The following EYS variants were observed in gnomAD, a reference collection of about 807,000 sequenced individuals.
EYS encodes the protein protein eyes shut homolog.
Under a neutral mutation model 282.1 loss-of-function variants are expected in EYS, and 250 were observed. The ratio of observed to expected loss-of-function variants is 0.89; its 90% CI spans 0.80 to 0.98. The LOEUF (loss-of-function observed/expected upper bound fraction) is 0.98, where lower values mean the gene tolerates loss of function less well. Ranked by LOEUF, EYS falls within the 50% of genes least tolerant of loss-of-function variation. EYS has a pLI of 0.00. For synonymous variants in EYS, 1,355 were observed against 1,282.9 expected, an observed-to-expected ratio of 1.06 and a Z score of -1.20; for missense variants, 4,016 against 3,709.0, an observed-to-expected ratio of 1.08 and a Z score of -2.15.
chr6:64,424,735 C>A (rs909256763), intron 28 of EYS, among the ~76,000 whole-genome samples: 1 of 152,164 alleles, frequency 6.6e-6, no homozygotes, highest in Non-Finnish European at 1.5e-5. Flanking sequence ...CCCAGTTACA[C>A]GCTAGGTGCC....
chr6:64,455,864 G>A (rs1386241151), intron 26 of EYS, among the ~76,000 whole-genome samples: 2 of 152,000 alleles, frequency 1.3e-5, no homozygotes, highest in African/African-American at 2.4e-5. Flanking sequence ...AATTTTGACA[G>A]AATTTAACAT....
At chr6:64,344,537 T>A (rs986881988) in intron 29 of EYS, among the ~76,000 whole-genome samples, 1 of 150,584 alleles carries the variant, frequency 6.6e-6, no homozygotes, top group African/African-American at 2.4e-5. Context: ...TCAATATTGA[T>A]GGGATGTATC....
chr6:65,453,893 A>G (rs1408361983), intron 5 of EYS, among the ~76,000 whole-genome samples: 1 of 151,912 alleles, frequency 6.6e-6, no homozygotes, highest in Non-Finnish European at 1.5e-5. Context: ...TATTCCACTG[A>G]GTATAAACAC....
chr6:65,094,616 A>G (rs542600811), intron 12 of EYS, among the ~76,000 whole-genome samples: 2 of 151,444 alleles, frequency 1.3e-5, no homozygotes, highest in Admixed American at 6.6e-5. Flanking sequence ...ACAATCTTGA[A>G]CCTACAATGG....
At chr6:64,124,739 C>A (rs894903240) in intron 31 of EYS, among the ~76,000 whole-genome samples, 30 of 152,052 alleles carry the variant, frequency 2.0e-4, no homozygotes, top group African/African-American at 7.3e-4. Context: ...GTTGGAAGAA[C>A]CCTAATCATT....
At chr6:64,041,059 G>A (rs1254921938) in intron 33 of EYS, among the ~76,000 whole-genome samples, 2 of 152,146 alleles carry the variant, frequency 1.3e-5, no homozygotes, top group African/African-American at 4.8e-5. Context: ...CTAAGCATGG[G>A]TAGTGTGTTT....
At chr6:65,528,174 A>C (rs1441357287) in intron 2 of EYS, among the ~76,000 whole-genome samples, 1 of 152,186 alleles carries the variant, frequency 6.6e-6, no homozygotes, top group Non-Finnish European at 1.5e-5. Context: ...AATAATTTAT[A>C]TTTCAAAATG....
chr6:63,985,417 T>A (rs1423572826), intron 34 of EYS, among the ~76,000 whole-genome samples: 1 of 151,678 alleles, frequency 6.6e-6, no homozygotes, highest in African/African-American at 2.4e-5. Context: ...TTTCTGTGGT[T>A]TAAGCCACCC....
rs79709237 is a variant in EYS at position 65,240,465 on chromosome 6, T to C, written c.2023+55398A>G. On this transcript the variant is annotated intron_variant, in intron 12 of 42. Coordinates refer to ENST00000503581, the MANE Select transcript of EYS (RefSeq NM_001142800.2). ...CAACCCTCTCTAGTAGCTCCCTGTC[T>C]CTATTGTTCCCATCTTTATGTCCAT... 4.8e-3 allele frequency among the ~76,000 whole-genome samples: 733 copies of C among 152,252 alleles called. 6 individuals are homozygous for C. Among genetic ancestry groups the C allele is most frequent in the African/African-American group, 0.017 (701 of 41,552 alleles).
At chr6:64,372,322 C>T (rs1009564346) in intron 29 of EYS, among the ~76,000 whole-genome samples, 6 of 151,830 alleles carry the variant, frequency 4.0e-5, no homozygotes, top group Non-Finnish European at 8.8e-5. Context: ...AATATGAAAT[C>T]CTTGGATGAA....
intron 35 of EYS, among the ~76,000 whole-genome samples, chr6:63,869,076 T>C (rs1299811434): frequency 6.6e-6 from 1 of 152,158 alleles, no homozygotes; most frequent in Non-Finnish European, 1.5e-5. Flanking sequence ...ACATAGTCTA[T>C]ATAATATACC....
rs74834704 is a variant in EYS, at chr6:65,082,820, T to C, written c.2024-25093A>G. Among the ~76,000 whole-genome samples the C allele has an allele frequency of 6.7e-3, 1,018 of 152,140 alleles. 5 individuals are homozygous for C. Among genetic ancestry groups the C allele is most frequent in the Non-Finnish European group, 0.012 (826 of 67,942 alleles). On this transcript the variant is annotated intron_variant, in intron 12 of 42. Coordinates refer to ENST00000503581, the MANE Select transcript of EYS (RefSeq NM_001142800.2). ...AAAATATATGATTTTTTCACTGATA[T>C]ATGAAATCTTAAGTAACATATTAAA...
At chr6:65,040,447 A>T (rs2150148851) in intron 13 of EYS, among the ~76,000 whole-genome samples, 1 of 151,870 alleles carries the variant, frequency 6.6e-6, no homozygotes, top group South Asian at 2.1e-4. Context: ...TAAGGACATC[A>T]GTCATATTAG....
At chr6:65,149,521 T>C (rs573695573) in intron 12 of EYS, among the ~76,000 whole-genome samples, 1 of 152,194 alleles carries the variant, frequency 6.6e-6, no homozygotes, top group African/African-American at 2.4e-5. Flanking sequence ...TGTCTTCTTC[T>C]GAGCCCTCCA....
At chr6:64,371,284 C>G (rs1323246354) in intron 29 of EYS, among the ~76,000 whole-genome samples, 1 of 147,336 alleles carries the variant, frequency 6.8e-6, no homozygotes, top group East Asian at 1.9e-4. Context: ...AGAAGTCATT[C>G]AGGAGCAGGT....
At chr6:65,427,557 TA>T (rs1206061082) in intron 5 of EYS, among the ~76,000 whole-genome samples, 3 of 152,072 alleles carry the variant, frequency 2.0e-5, no homozygotes, top group East Asian at 1.9e-4. Flanking sequence ...AAAATAGAAT[TA>T]TTTTTTTCAT....
At chr6:64,099,049 G>T (rs1440179703) in intron 31 of EYS, among the ~76,000 whole-genome samples, 1 of 152,174 alleles carries the variant, frequency 6.6e-6, no homozygotes, top group Non-Finnish European at 1.5e-5. Context: ...TAAGGCCACA[G>T]TGAGATATTC....
intron 35 of EYS, among the ~76,000 whole-genome samples, chr6:63,980,021 T>G (rs568301206): frequency 4.3e-4 from 66 of 151,968 alleles, no homozygotes; most frequent in African/African-American, 1.5e-3. Flanking sequence ...CAGCAGTAAA[T>G]TAGATCAACC....
chr6:65,013,302 G>T (rs1340457069), intron 13 of EYS, among the ~76,000 whole-genome samples: 1 of 152,106 alleles, frequency 6.6e-6, no homozygotes, highest in East Asian at 1.9e-4. Flanking sequence ...GAACACACAT[G>T]AATTCACTGT....
Sources: gnomAD v4.1 joint callset for allele counts (sites outside exome capture counted in the v4.1 genomes callset) on GRCh38, gnomAD v4.1.1 for gene constraint, MANE v1.5 for transcripts, NCBI Gene and HGNC (gene_info 2026-07-23, HGNC 2026-07-21) for gene names.